The following PCDH11X variants were observed in gnomAD, a reference collection of about 807,000 sequenced individuals.
The protein encoded by PCDH11X is protocadherin-11 X-linked.
A neutral mutation model predicts 53.3 loss-of-function variants in PCDH11X; 18 were observed. The ratio of observed to expected loss-of-function variants is 0.34; its 90% CI spans 0.23 to 0.50. PCDH11X has a LOEUF of 0.50. PCDH11X is among the 20% of genes least tolerant of loss of function. The pLI is 0.98. For synonymous variants in PCDH11X, 279 were observed against 393.3 expected, an observed-to-expected ratio of 0.71 and a Z score of 3.44; for missense variants, 570 against 1,032.4, an observed-to-expected ratio of 0.55 and a Z score of 6.14.
At chrX:92,255,391 C>T (rs1185518465) in intron 7 of PCDH11X, among the ~76,000 whole-genome samples, 1 of 101,259 alleles carries the variant, frequency 9.9e-6, no homozygotes, top group African/African-American at 3.6e-5. Flanking sequence ...TTTGAATGTC[C>T]TCCCGTAGCT....
At chrX:92,324,073 T>C (rs1401155820) in intron 8 of PCDH11X, among the ~76,000 whole-genome samples, 1 of 105,123 alleles carries the variant, frequency 9.5e-6, no homozygotes, top group Non-Finnish European at 2.0e-5. Context: ...TTTAAGCTGG[T>C]GAGTTAAGGT....
intron 9 of PCDH11X, among the ~76,000 whole-genome samples, chrX:92,417,712 T>G (rs1467447761): frequency 9.1e-6 from 1 of 110,486 alleles, no homozygotes; most frequent in African/African-American, 3.3e-5. Context: ...CTATGAATAT[T>G]GCAGAGGCTT....
chrX:92,229,067 C>T, intron 7 of PCDH11X, among the ~76,000 whole-genome samples: 1 of 111,764 alleles, frequency 8.9e-6, no homozygotes. Context: ...AAATTATGCA[C>T]TACAGACTTT....
At chrX:92,511,001 TTGG>T (rs1454082893) in intron 10 of PCDH11X, among the ~76,000 whole-genome samples, 3 of 111,042 alleles carry the variant, frequency 2.7e-5, no homozygotes, top group African/African-American at 9.8e-5. Context: ...CTGAGTGTGG[TTGG>T]TGGTGCTATA....
intron 8 of PCDH11X, among the ~76,000 whole-genome samples, chrX:92,376,560 A>G (rs933441373): frequency 4.6e-4 from 51 of 111,464 alleles, no homozygotes; most frequent in African/African-American, 1.7e-3. Flanking sequence ...CCATATGTCT[A>G]TTAGGATTTT....
At chrX:92,474,253 A>G (rs149460634) in intron 10 of PCDH11X, among the ~76,000 whole-genome samples, 12,783 of 110,661 alleles carry the variant, frequency 0.12, 1,113 homozygotes, top group African/African-American at 0.3. Context: ...TTTGTCTGAT[A>G]TAAGTCTAGC....
chrX:92,043,213 C>A (rs1195527944), intron 6 of PCDH11X, among the ~76,000 whole-genome samples: 1 of 107,164 alleles, frequency 9.3e-6, no homozygotes, highest in Non-Finnish European at 1.9e-5. Context: ...CAAATAATTT[C>A]TTTAACATAT....
intron 7 of PCDH11X, among the ~76,000 whole-genome samples, chrX:92,229,281 G>C (rs895982073): frequency 1.8e-5 from 2 of 111,103 alleles, no homozygotes; most frequent in African/African-American, 6.5e-5. Flanking sequence ...AACAAAGATG[G>C]CATTTAAGGG....
chrX:91,799,062 C>T (rs768195020), intron 1 of PCDH11X, among the ~76,000 whole-genome samples: 24 of 111,275 alleles, frequency 2.2e-4, no homozygotes, highest in African/African-American at 7.2e-4. Context: ...TGAAACCCTA[C>T]CCTTCACCAG....
At chrX:91,819,777 C>T (rs1244366894) in intron 4 of PCDH11X, among the ~76,000 whole-genome samples, 2 of 99,659 alleles carry the variant, frequency 2.0e-5, no homozygotes, top group Non-Finnish European at 2.0e-5. Flanking sequence ...CCCACTAACT[C>T]GTCATCTAGC....
chrX:92,327,875 T>TA (rs1165859711), intron 8 of PCDH11X, among the ~76,000 whole-genome samples: 14 of 99,322 alleles, frequency 1.4e-4, no homozygotes, highest in Non-Finnish European at 2.6e-4. Flanking sequence ...AGACATAACT[T>TA]ACATGATCTG....
chrX:92,469,077 CAAT>C (rs1215664579), intron 10 of PCDH11X, among the ~76,000 whole-genome samples: 1 of 103,737 alleles, frequency 9.6e-6, no homozygotes, highest in Non-Finnish European at 2.0e-5. Context: ...TTCTTTATAA[CAAT>C]AATTTATTTC....
rs764455215 is a variant in PCDH11X at position 92,294,033 on chromosome X, G to A, written c.3144+30890G>A. 8.6e-4 allele frequency among the ~76,000 whole-genome samples: 96 copies of A among 111,150 alleles called. 1 individual carries two copies. The highest frequency in any genetic ancestry group is 3.1e-3 in the African/African-American group (94 of 30,378). On this transcript the variant is annotated intron_variant, in intron 8 of 10. Coordinates refer to ENST00000682573, the MANE Select transcript of PCDH11X (RefSeq NM_032968.5). ...GTAAGATGTTAACAACAGGGAAAAT[G>A]GGTGTAGAGAAAGACTACCTGTACT...
intron 8 of PCDH11X, among the ~76,000 whole-genome samples, chrX:92,347,682 T>G (rs1429666591): frequency 9.0e-6 from 1 of 111,603 alleles, no homozygotes; most frequent in Non-Finnish European, 1.9e-5. Context: ...TGGCATCAAG[T>G]CTATATCCTC....
chrX:92,381,394 G>A (rs374346635), intron 8 of PCDH11X, among the ~76,000 whole-genome samples: 4 of 110,637 alleles, frequency 3.6e-5, no homozygotes, highest in Admixed American at 9.7e-5. Context: ...CACCAGAATG[G>A]GTCTAAAACA....
At chrX:92,148,032 C>T (rs1482134703) in intron 6 of PCDH11X, among the ~76,000 whole-genome samples, 12 of 72,115 alleles carry the variant, frequency 1.7e-4, no homozygotes, top group African/African-American at 6.7e-4. Context: ...TCCTTCCTTT[C>T]CTTCTTTCCC....
intron 6 of PCDH11X, among the ~76,000 whole-genome samples, chrX:91,916,311 A>G (rs1015974973): frequency 9.0e-6 from 1 of 110,575 alleles, no homozygotes; most frequent in Non-Finnish European, 1.9e-5. Context: ...CAGCAGAAGG[A>G]AAGAAATAAC....
intron 6 of PCDH11X, among the ~76,000 whole-genome samples, chrX:92,200,643 G>A (rs12012725): frequency 2.2e-3 from 248 of 111,323 alleles, no homozygotes; most frequent in Non-Finnish European, 3.9e-3. Flanking sequence ...GAGGATCTGC[G>A]TCCTCAATGC....
chrX:92,173,982 CT>C lies in PCDH11X; in HGVS notation c.3034-27392del, dbSNP rs1367098161. Among the ~76,000 whole-genome samples, 136 of 19,418 alleles carry C rather than the reference CT, an allele frequency of 7.0e-3. 25 individuals carry two copies. Among genetic ancestry groups the C allele is most frequent in the South Asian group, 0.022 (4 of 184 alleles). The allele number at this position is 19,418 out of a possible 115,157, so 16.9% of individuals were successfully genotyped here. ...CCTGGGTGATAGAGTGAGACCCAGT[CT>C]CAAAAAAAAAAAAAAAAAAAAAAAA... On this transcript the variant is annotated intron_variant, in intron 6 of 10. Coordinates refer to ENST00000682573, the MANE Select transcript of PCDH11X (RefSeq NM_032968.5).
Sources: gnomAD v4.1 joint callset for allele counts (sites outside exome capture counted in the v4.1 genomes callset) on GRCh38, gnomAD v4.1.1 for gene constraint, MANE v1.5 for transcripts, NCBI Gene and HGNC (gene_info 2026-07-23, HGNC 2026-07-21) for gene names.